The following IPO11 variants were observed in gnomAD, a reference collection of about 807,000 sequenced individuals.
IPO11 encodes importin-11.
In IPO11, 66 loss-of-function variants were observed where a neutral mutation model predicts 143.2. The ratio of observed to expected loss-of-function variants is 0.46; its 90% CI spans 0.38 to 0.57. The LOEUF (loss-of-function observed/expected upper bound fraction) is 0.57, where lower values mean the gene tolerates loss of function less well. IPO11 is among the 20% of genes least tolerant of loss of function. The pLI is 0.00. For missense variants in IPO11, 1,026 were observed against 1,141.0 expected (o/e 0.90, Z 1.45); for synonymous variants, 385 against 377.8 (o/e 1.02, Z -0.22).
At chr5:62,566,444 T>G (rs1743942970) in intron 27 of IPO11, among the ~76,000 whole-genome samples, 1 of 152,060 alleles carries the variant, frequency 6.6e-6, no homozygotes, top group African/African-American at 2.4e-5. Flanking sequence ...ATTAATAGTT[T>G]TGTTTTGGCT....
intron 1 of IPO11, among the ~76,000 whole-genome samples, chr5:62,435,954 G>A (rs1295499615): frequency 2.6e-5 from 4 of 152,042 alleles, no homozygotes; most frequent in East Asian, 1.9e-4. Context: ...GCTTGAACCC[G>A]GGAGGTGGAG....
At chr5:62,482,904 A>G (rs1746262449) in intron 9 of IPO11, among the ~76,000 whole-genome samples, 197 bp from the exon 10 acceptor site, 1 of 152,128 alleles carries the variant, frequency 6.6e-6, no homozygotes, top group South Asian at 2.1e-4. Flanking sequence ...TTATTATCAG[A>G]TATAATCTAA....
At chr5:62,511,241 A>C (rs1262421066) in intron 19 of IPO11, among the ~76,000 whole-genome samples, 1 of 152,182 alleles carries the variant, frequency 6.6e-6, no homozygotes, top group African/African-American at 2.4e-5. Context: ...CTTTAAAACT[A>C]AAACTACCTC....
rs1561380278 is a variant in IPO11 at position 62,598,378 on chromosome 5, TGC to T, written c.2679-3385_2679-3384del. The stretch of plus-strand genomic sequence containing the variant: ...TATGTGAAACGACCCATAAATTGTT[TGC>T]TTGCTTGCTTGCTTTCTTTCTTTCT... On this transcript the variant is annotated intron_variant, in intron 28 of 29. Transcript: ENST00000325324. 6.8e-3 allele frequency among the ~76,000 whole-genome samples: 18 copies of T among 2,660 alleles called. 3 individuals carry two copies. The highest frequency in any genetic ancestry group is 0.017 in the Admixed American group (2 of 116). The allele number at this position is 2,660 out of a possible 152,430, so 1.7% of individuals were successfully genotyped here.
intron 16 of IPO11, among the ~76,000 whole-genome samples, chr5:62,504,408 A>C (rs1465700728): frequency 6.6e-6 from 1 of 152,176 alleles, no homozygotes; most frequent in African/African-American, 2.4e-5. Flanking sequence ...TCCTTCCTGG[A>C]AGGACCCACT....
intron 28 of IPO11, among the ~76,000 whole-genome samples, chr5:62,597,632 A>G (rs1033535766): frequency 1.3e-5 from 2 of 152,240 alleles, no homozygotes; most frequent in African/African-American, 4.8e-5. Flanking sequence ...CAGTTAGGTT[A>G]CACTTTACTG....
In IPO11 at chr5:62,627,772, A is replaced by G. The variant is rs949405052; in HGVS notation, c.*454A>G. The G allele has an allele frequency of 4.0e-4, 62 of 153,280 alleles. No individual in the cohort carries two copies. Among genetic ancestry groups the G allele is most frequent in the Non-Finnish European group, 6.4e-4 (44 of 68,384 alleles). The allele number at this position is 153,280 out of a possible 1,614,324, so 9.5% of individuals were successfully genotyped here. A position where few individuals can be genotyped will look rare whatever the true frequency, so the allele number is the denominator to read the frequency against. ...ATGACAAAGCTGTTCAGATGATGCT[A>G]TTAAAGAAATGTGTGTACTAAGCAA... On this transcript the variant is annotated 3_prime_UTR_variant, in exon 30 of 30. Transcript: ENST00000325324.
chr5:62,542,699 G>A (rs775213422), intron 24 of IPO11, among the ~76,000 whole-genome samples: 3 of 152,072 alleles, frequency 2.0e-5, no homozygotes, highest in Non-Finnish European at 4.4e-5. Context: ...CAAAGGATAC[G>A]CTTTACTTTA....
chr5:62,418,896 G>A (rs912768488), intron 1 of IPO11: 3 of 1,227,848 alleles, frequency 2.4e-6, no homozygotes, highest in Admixed American at 2.5e-5. Context: ...AGCACCAGGT[G>A]TGAAACTGCT....
At chr5:62,426,972 T>C (rs541169834) in intron 1 of IPO11, among the ~76,000 whole-genome samples, 1 of 145,684 alleles carries the variant, frequency 6.9e-6, no homozygotes, top group African/African-American at 2.5e-5. Flanking sequence ...AGTTTTGCTC[T>C]TGATGCCCAG....
chr5:62,578,792 T>G lies in IPO11; in HGVS notation c.2583-12785T>G, dbSNP rs560337723. ...GGTGTTTCCTGAGCAAACGGTGACTTAAAAAAAAAAAAAAAAAAGTGGTGG... is the reference window on the plus strand; with the variant it reads ...GGTGTTTCCTGAGCAAACGGTGACTGAAAAAAAAAAAAAAAAAAGTGGTGG... On this transcript the variant is annotated intron_variant, in intron 27 of 29. Coordinates refer to ENST00000325324, the MANE Select transcript of IPO11 (RefSeq NM_016338.5). The G allele has an allele frequency of 3.0e-4, 102 of 338,882 alleles. 1 individual carries two copies. The highest frequency in any genetic ancestry group is 2.1e-3 in the African/African-American group (86 of 40,116). 21.0% of individuals were successfully genotyped at this position (338,882 alleles called of 1,614,324 possible).
intron 24 of IPO11, 84 bp from the exon 25 acceptor site, chr5:62,550,279 CTTAT>C: frequency 1.0e-6 from 1 of 987,116 alleles, no homozygotes; most frequent in East Asian, 2.4e-5. Flanking sequence ...GTCTGTGATA[CTTAT>C]TTTAGTACAT....
intron 16 of IPO11, among the ~76,000 whole-genome samples, chr5:62,503,323 G>T (rs1411581509): frequency 6.9e-6 from 1 of 144,646 alleles, no homozygotes; most frequent in South Asian, 2.1e-4. Flanking sequence ...TATATTAATA[G>T]TATCTACTAA....
chr5:62,625,800 C>A (rs553630891), intron 29 of IPO11, among the ~76,000 whole-genome samples: 1 of 152,160 alleles, frequency 6.6e-6, no homozygotes, highest in African/African-American at 2.4e-5. Flanking sequence ...CTTATATAAG[C>A]TAATACATAA....
At chr5:62,580,125 T>G in intron 27 of IPO11, 1 of 1,551,070 alleles carries the variant, frequency 6.4e-7, no homozygotes, top group Non-Finnish European at 8.7e-7. Flanking sequence ...TACTTAAAAG[T>G]CTTAGAAGAC....
intron 28 of IPO11, among the ~76,000 whole-genome samples, chr5:62,599,705 G>A (rs551295094): frequency 1.3e-5 from 2 of 152,280 alleles, no homozygotes; most frequent in Non-Finnish European, 1.5e-5. Context: ...GAATGGAGGA[G>A]TGGCCACTTA....
intron 1 of IPO11, among the ~76,000 whole-genome samples, chr5:62,425,338 A>G (rs916686614): frequency 3.9e-5 from 6 of 152,078 alleles, no homozygotes; most frequent in African/African-American, 1.4e-4. Flanking sequence ...TTTTTTCAAG[A>G]CGGAGTTTTG....
intron 6 of IPO11, 98 bp downstream of exon 6, chr5:62,467,361 G>A (rs1263201606): frequency 1.6e-6 from 2 of 1,274,662 alleles, no homozygotes; most frequent in South Asian, 1.5e-5. Context: ...CAGTTTCACT[G>A]GAAAAATAAG....
chr5:62,545,590 T>C (rs559037773), intron 24 of IPO11, among the ~76,000 whole-genome samples: 75 of 152,188 alleles, frequency 4.9e-4, no homozygotes, highest in Admixed American at 8.5e-4. Flanking sequence ...AAAGCCAACC[T>C]TGACAAATGG....
Sources: allele counts gnomAD v4.1 joint callset (sites outside exome capture counted in the v4.1 genomes callset), GRCh38; gene constraint gnomAD v4.1.1; transcripts MANE v1.5; gene names NCBI Gene and HGNC (gene_info 2026-07-23, HGNC 2026-07-21).